The following GPR158 variants were observed in gnomAD, a reference collection of about 807,000 sequenced individuals.
GPR158 encodes the protein metabotropic glycine receptor.
In GPR158, 30 loss-of-function variants were observed where a neutral mutation model predicts 78.2. The observed-to-expected ratio is 0.38, with a 90% confidence interval of 0.29 to 0.52. The LOEUF (loss-of-function observed/expected upper bound fraction) is 0.52. GPR158 is among the 20% of genes least tolerant of loss of function. The probability of loss-of-function intolerance (pLI) is 0.83; values close to 1 mark genes in which losing one functional copy is unlikely to be tolerated. For missense variants in GPR158, 1,463 were observed against 1,523.5 expected, an observed-to-expected ratio of 0.96 and a Z score of 0.66; for synonymous variants, 581 against 591.1, an observed-to-expected ratio of 0.98 and a Z score of 0.25.
At chr10:25,317,668 A>C (rs926154727) in intron 2 of GPR158, among the ~76,000 whole-genome samples, 3 of 150,762 alleles carry the variant, frequency 2.0e-5, no homozygotes, top group South Asian at 2.1e-4. Context: ...TTTAGGTTTA[A>C]ATCAGCTGAA....
chr10:25,179,374 A>G lies in GPR158; in HGVS notation c.902+3052A>G, dbSNP rs138752689. Among the ~76,000 whole-genome samples the G allele has an allele frequency of 1.6e-3, 246 of 152,258 alleles. 3 individuals are homozygous for G. The highest frequency in any genetic ancestry group is 5.7e-3 in the African/African-American group (235 of 41,570). ...TCCATTGATAATGGTTTACTTGTGA[A>G]GGAGAAAAGGAGAAAAAAACTTTTA... On this transcript the variant is annotated intron_variant, in intron 1 of 10. Transcript: ENST00000376351.
At chr10:25,417,912 T>C (rs1773682) in intron 4 of GPR158, among the ~76,000 whole-genome samples, 105,537 of 152,050 alleles carry the variant, frequency 0.69, 37,719 homozygotes, top group Non-Finnish European at 0.8. Context: ...ATTCATAAAA[T>C]CTTAGTTGAC....
At chr10:25,380,330 T>A (rs1460490689) in intron 2 of GPR158, among the ~76,000 whole-genome samples, 1 of 152,194 alleles carries the variant, frequency 6.6e-6, no homozygotes, top group African/African-American at 2.4e-5. Flanking sequence ...TGTGTATATA[T>A]CCTAAAGTGT....
In GPR158 at chr10:25,212,693, G is replaced by A. The variant is rs538253551; in HGVS notation, c.903-8359G>A. Among the ~76,000 whole-genome samples, 26 of 138,484 alleles carry A rather than the reference G, an allele frequency of 1.9e-4. No homozygotes were observed. The South Asian group carries it at 3.4e-3, about 18-fold the overall frequency. 90.9% of individuals were successfully genotyped at this position (138,484 alleles called of 152,430 possible). On this transcript the variant is annotated intron_variant, in intron 1 of 10. Coordinates refer to ENST00000376351, the MANE Select transcript of GPR158 (RefSeq NM_020752.3). ...GTTGCCCAGGCTAGAGTGCAGTGGC[G>A]CCATCTTGGCTCACTGCAACTTCTG...
chr10:25,506,816 C>A (rs1033690324), intron 5 of GPR158, among the ~76,000 whole-genome samples: 5 of 152,158 alleles, frequency 3.3e-5, no homozygotes, highest in African/African-American at 1.2e-4. Flanking sequence ...TTTCTTATTT[C>A]TTGCAACTTA....
At chr10:25,370,444 T>G (rs199970163) in intron 2 of GPR158, among the ~76,000 whole-genome samples, 8,343 of 29,854 alleles carry the variant, frequency 0.28, 2,104 homozygotes, top group Middle Eastern at 0.38. Context: ...TCATTCAGGA[T>G]CAGGTTGTTC....
intron 5 of GPR158, among the ~76,000 whole-genome samples, chr10:25,478,491 TGC>T (rs1835618485): frequency 7.4e-6 from 1 of 134,728 alleles, no homozygotes; most frequent in African/African-American, 3.4e-5. Context: ...AAATATATAA[TGC>T]GTGTGTGTGT....
At chr10:25,342,093 A>G (rs907175238) in intron 2 of GPR158, among the ~76,000 whole-genome samples, 1 of 151,962 alleles carries the variant, frequency 6.6e-6, no homozygotes, top group Non-Finnish European at 1.5e-5. Context: ...CTTGCCTGAT[A>G]ATTATTTATT....
Position 25,599,260 on chromosome 10 carries a change from A to G in GPR158, c.3634A>G (p.Ser1212Gly), listed in dbSNP as rs763686575. 1.2e-6 allele frequency: 2 copies of G among 1,608,684 alleles called. No homozygotes were observed. The highest frequency in any genetic ancestry group is 1.7e-6 in the Non-Finnish European group (2 of 1,177,648). The part of the protein sequence containing the change: ...AGPRKEEIWD[S>G]FKV ...GCCTAGGAAAGAAGAGATCTGGGAT[A>G]GTTTTAAAGTGTAGCATCTCCAGGA... Residue 1212 changes from serine to glycine, a missense_variant, in exon 11 of 11, where the codon AGT becomes GGT. Ser to Gly is a moderately conservative substitution (Grantham distance 56, BLOSUM62 0). Transcript: ENST00000376351.
intron 2 of GPR158, among the ~76,000 whole-genome samples, chr10:25,281,409 CA>C (rs749627659): frequency 0.2 from 13,863 of 68,518 alleles, 867 homozygotes; most frequent in East Asian, 0.4. Context: ...ACCAAAAATA[CA>C]AAAAAAAAAA....
At chr10:25,185,823 TC>T (rs890458182) in intron 1 of GPR158, among the ~76,000 whole-genome samples, 1 of 151,652 alleles carries the variant, frequency 6.6e-6, no homozygotes, top group African/African-American at 2.4e-5. Context: ...AAAAAAAAAT[TC>T]CTGGATATCC....
At chr10:25,368,313 C>T (rs1436586092) in intron 2 of GPR158, among the ~76,000 whole-genome samples, 1 of 151,746 alleles carries the variant, frequency 6.6e-6, no homozygotes, top group Admixed American at 6.6e-5. Context: ...AGACAACCTA[C>T]AGAATGGGAG....
At chr10:25,299,927 A>T (rs944214467) in intron 2 of GPR158, among the ~76,000 whole-genome samples, 8 of 152,098 alleles carry the variant, frequency 5.3e-5, no homozygotes, top group African/African-American at 1.2e-4. Context: ...CCAGGGTTCA[A>T]GTGATTCTCA....
chr10:25,501,207 A>G (rs1835942491), intron 5 of GPR158, among the ~76,000 whole-genome samples: 1 of 152,158 alleles, frequency 6.6e-6, no homozygotes, highest in Admixed American at 6.6e-5. Context: ...GGAGTGGGAT[A>G]GGTTAGCACC....
At chr10:25,470,857 CT>C (rs1286144066) in intron 5 of GPR158, among the ~76,000 whole-genome samples, 2 of 151,968 alleles carry the variant, frequency 1.3e-5, no homozygotes, top group African/African-American at 2.4e-5. Flanking sequence ...CTACTATAAT[CT>C]TTTTTTTGAA....
At chr10:25,497,483 T>C (rs1383636997) in intron 5 of GPR158, among the ~76,000 whole-genome samples, 1 of 152,210 alleles carries the variant, frequency 6.6e-6, no homozygotes, top group African/African-American at 2.4e-5. Flanking sequence ...TTAACCATTT[T>C]TGTAAAGCAG....
intron 7 of GPR158, among the ~76,000 whole-genome samples, chr10:25,573,190 A>G (rs1837036596): frequency 6.6e-6 from 1 of 152,188 alleles, no homozygotes; most frequent in Non-Finnish European, 1.5e-5. Context: ...ATTCTTATCA[A>G]TTGCTCCCCA....
At chr10:25,367,659 G>A (rs557643950) in intron 2 of GPR158, among the ~76,000 whole-genome samples, 15 of 51,012 alleles carry the variant, frequency 2.9e-4, no homozygotes, top group African/African-American at 1.3e-3. Flanking sequence ...TGGGGTTTTT[G>A]TTTGTCTCTG....
chr10:25,414,792 A>C (rs1834637440), intron 4 of GPR158, among the ~76,000 whole-genome samples: 2 of 152,146 alleles, frequency 1.3e-5, no homozygotes, highest in Admixed American at 6.5e-5. Context: ...TTAAGAGAAC[A>C]AAGCTCACAT....
Sources: allele counts gnomAD v4.1 joint callset (sites outside exome capture counted in the v4.1 genomes callset), GRCh38; gene constraint gnomAD v4.1.1; transcripts MANE v1.5; gene names NCBI Gene and HGNC (gene_info 2026-07-23, HGNC 2026-07-21).